CPAMD8: variants seen among roughly 807,000 people sequenced by gnomAD.
CPAMD8 encodes the protein C3 and PZP like alpha-2-macroglobulin domain containing 8, also known as C3 and PZP-like alpha-2-macroglobulin domain-containing protein 8.
A neutral mutation model predicts 224.7 loss-of-function variants in CPAMD8; 146 were observed. That is an observed-to-expected ratio of 0.65 (90% CI 0.57 to 0.75). CPAMD8 has a LOEUF of 0.75. Among genes scored for constraint, CPAMD8 ranks in the 30% least tolerant of loss-of-function variants. The pLI is 0.00. For synonymous variants in CPAMD8, 966 were observed against 1,044.6 expected (o/e 0.92, Z 1.45); for missense variants, 2,301 against 2,537.5 (o/e 0.91, Z 2.00).
intron 7 of CPAMD8, among the ~76,000 whole-genome samples, chr19:17,005,985 G>A (rs2056481460): frequency 6.6e-6 from 1 of 151,470 alleles, no homozygotes; most frequent in African/African-American, 2.4e-5. Flanking sequence ...ATTTTTTTGA[G>A]ACAGAGTCTT....
At chr19:16,915,621 G>A (rs1479128344) in intron 27 of CPAMD8, among the ~76,000 whole-genome samples, 4 of 152,194 alleles carry the variant, frequency 2.6e-5, no homozygotes, top group Non-Finnish European at 5.9e-5. Flanking sequence ...GGCAAGGCCA[G>A]GGAATGAATG....
At chr19:16,948,141 T>C (rs1385011185) in intron 20 of CPAMD8, among the ~76,000 whole-genome samples, 2 of 152,166 alleles carry the variant, frequency 1.3e-5, no homozygotes, top group Non-Finnish European at 2.9e-5. Flanking sequence ...TAAGAGGAAA[T>C]CTTTGCTCCA....
chr19:16,895,905 A>G (rs10425334), intron 41 of CPAMD8: 11,750 of 253,364 alleles, frequency 0.046, 103 homozygotes, highest in Middle Eastern at 0.077. Flanking sequence ...GCGCGCACGC[A>G]CACACACACA....
intron 23 of CPAMD8, among the ~76,000 whole-genome samples, chr19:16,932,858 G>A (rs1055167360): frequency 2.0e-5 from 3 of 152,206 alleles, no homozygotes; most frequent in Non-Finnish European, 4.4e-5. Context: ...ACCTCCAAAT[G>A]GGTATAATTC....
chr19:16,904,494 C>A lies in CPAMD8; in HGVS notation c.4086G>T (p.Leu1362Phe). The change falls in exon 31 of 42, where the codon TTG becomes TTT. Residue 1362 changes from leucine (L) to phenylalanine (F), a missense_variant. Transcript: ENST00000443236. ...NSWDVDKGTF[L>F]SFSDRVSQSV... The stretch of plus-strand genomic sequence containing the variant: ...ACTGAGAGACCCTGTCACTGAAGCT[C>A]AAGAATGTGCCCTTGTCCACGTCCC... 6.2e-7 allele frequency: 1 copy of A among 1,614,136 alleles called. No homozygotes were observed. The highest frequency in any genetic ancestry group is 8.5e-7 in the Non-Finnish European group (1 of 1,179,982).
Position 16,988,721 on chromosome 19 carries a change from G to A in CPAMD8, c.1395+922C>T, listed in dbSNP as rs186688908. On this transcript the variant is annotated intron_variant, in intron 13 of 41. Transcript: ENST00000443236. ...ATAAGGGATCCCTGTGTCAGCTGTA[G>A]TATTAGGTCCCTTAGAGCAGGGGTC... Among the ~76,000 whole-genome samples the A allele has an allele frequency of 2.7e-3, 414 of 152,274 alleles. 1 individual carries two copies. Among genetic ancestry groups the A allele is most frequent in the South Asian group, 7.4e-3 (36 of 4,834 alleles).
chr19:16,919,579 A>T (rs956384319), intron 27 of CPAMD8, among the ~76,000 whole-genome samples: 1 of 152,262 alleles, frequency 6.6e-6, no homozygotes, highest in African/African-American at 2.4e-5. Flanking sequence ...GAATTAATAC[A>T]TAATAAATAG....
At chr19:16,968,077 C>T (rs984942040) in intron 18 of CPAMD8, among the ~76,000 whole-genome samples, 1 of 152,060 alleles carries the variant, frequency 6.6e-6, no homozygotes, top group African/African-American at 2.4e-5. Flanking sequence ...TACAAAGCTG[C>T]TGCTTCTATA....
intron 14 of CPAMD8, among the ~76,000 whole-genome samples, chr19:16,979,143 T>C: frequency 6.6e-6 from 1 of 150,966 alleles, no homozygotes; most frequent in South Asian, 2.1e-4. Flanking sequence ...TATTCATCCA[T>C]CCATCATCCA....
intron 19 of CPAMD8, among the ~76,000 whole-genome samples, chr19:16,953,931 A>G (rs556123516): frequency 7.2e-5 from 11 of 152,302 alleles, no homozygotes; most frequent in Admixed American, 7.2e-4. Flanking sequence ...ATGAGATGCC[A>G]CTTCATGTAC....
At chr19:16,959,253 A>G (rs564628946) in intron 18 of CPAMD8, among the ~76,000 whole-genome samples, 4 of 150,152 alleles carry the variant, frequency 2.7e-5, no homozygotes, top group Non-Finnish European at 5.9e-5. Context: ...TGCTCACTGC[A>G]ACCTCCACCT....
chr19:16,931,831 T>C (rs1204355561), intron 23 of CPAMD8, among the ~76,000 whole-genome samples: 1 of 152,228 alleles, frequency 6.6e-6, no homozygotes, highest in Non-Finnish European at 1.5e-5. Context: ...CCACTGATGC[T>C]GTTTATAGCT....
chr19:16,946,672 A>G (rs536467119), intron 21 of CPAMD8, among the ~76,000 whole-genome samples: 27 of 131,100 alleles, frequency 2.1e-4, no homozygotes, highest in African/African-American at 3.8e-4. Context: ...GTGTGTGTGT[A>G]TATGCATGTC....
intron 3 of CPAMD8, among the ~76,000 whole-genome samples, chr19:17,018,545 A>C (rs1354601760): frequency 1.3e-5 from 2 of 152,022 alleles, no homozygotes; most frequent in East Asian, 3.8e-4. Context: ...CTTTACATAC[A>C]AACATTCTGG....
chr19:16,994,006 G>A (rs2056044651), intron 11 of CPAMD8, among the ~76,000 whole-genome samples: 1 of 152,182 alleles, frequency 6.6e-6, no homozygotes, highest in Non-Finnish European at 1.5e-5. Flanking sequence ...AGGAGGCTGA[G>A]GTGGGAGGAT....
chr19:16,896,644 C>A lies in CPAMD8; in HGVS notation c.5087G>T (p.Gly1696Val). Residue 1696 changes from glycine to valine, a missense_variant, in exon 40 of 42, where the codon GGC (glycine) becomes GTC (valine). Physicochemically the swap from Gly to Val is moderately radical, Grantham distance 109 (BLOSUM62 -3). Coordinates refer to ENST00000443236, the MANE Select transcript of CPAMD8 (RefSeq NM_015692.5). The stretch of plus-strand genomic sequence containing the variant: ...CCCCTCCTCAGGGGCCACGGCAGGG[C>A]CCGACTCGCCGGGGAACCAGCCTGG... ...RGPGWFPGES[G>V]PAVAPEEGAA... 1 of 1,477,502 alleles carries A rather than the reference C, an allele frequency of 6.8e-7. No individual in the cohort carries two copies. Among genetic ancestry groups the A allele is most frequent in the South Asian group, 1.3e-5 (1 of 77,088 alleles). 91.5% of individuals were successfully genotyped at this position (1,477,502 alleles called of 1,614,324 possible).
At chr19:16,972,174 A>G (rs2122653485) in intron 17 of CPAMD8, among the ~76,000 whole-genome samples, 1 of 152,246 alleles carries the variant, frequency 6.6e-6, no homozygotes, top group Middle Eastern at 3.4e-3. Context: ...TATTAGTATT[A>G]GTATTATTAG....
chr19:16,914,476 G>A lies in CPAMD8; in HGVS notation c.3809C>T (p.Pro1270Leu), dbSNP rs756094582. Residue 1270 changes from proline (P) to leucine (L), a missense_variant, in exon 29 of 42, where the codon CCG becomes CTG. Physicochemically the swap from Pro to Leu is moderately conservative, Grantham distance 98. Coordinates refer to ENST00000443236, the MANE Select transcript of CPAMD8 (RefSeq NM_015692.5). ...DIQGGIHGTV[P>L]LTAYVVVALL... is the part of the protein sequence containing the mutation. Reference sequence around the variant, plus strand: ...AGCAACCACCACGTAGGCTGTCAGCGGGACAGTGCCGTGGATCCCACCCTG... The same window carrying A: ...AGCAACCACCACGTAGGCTGTCAGCAGGACAGTGCCGTGGATCCCACCCTG... 211 of 1,614,154 alleles carry A rather than the reference G, an allele frequency of 1.3e-4. No individual in the cohort carries two copies. The highest frequency in any genetic ancestry group is 2.0e-4 in the Admixed American group (12 of 60,024).
At chr19:16,973,744 C>T (rs1331830832) in intron 17 of CPAMD8, among the ~76,000 whole-genome samples, 3 of 151,802 alleles carry the variant, frequency 2.0e-5, no homozygotes, top group Admixed American at 1.3e-4. Flanking sequence ...CCCTGAAGGG[C>T]GAAGCATGCT....
Sources: allele counts gnomAD v4.1 joint callset (sites outside exome capture counted in the v4.1 genomes callset), GRCh38; gene constraint gnomAD v4.1.1; transcripts MANE v1.5; gene names NCBI Gene and HGNC (gene_info 2026-07-23, HGNC 2026-07-21).